The following PDE4D variants were observed in gnomAD, a reference collection of about 807,000 sequenced individuals.
PDE4D encodes phosphodiesterase 4D, also known as 3',5'-cyclic-AMP phosphodiesterase 4D.
In PDE4D, 24 loss-of-function variants were observed where a neutral mutation model predicts 87.4. The observed-to-expected ratio is 0.27, with a 90% confidence interval of 0.20 to 0.39. The LOEUF (loss-of-function observed/expected upper bound fraction) is 0.39. Ranked by LOEUF, PDE4D falls within the 10% of genes least tolerant of loss-of-function variation. The pLI is 1.00. For synonymous variants in PDE4D, 384 were observed against 383.2 expected (o/e 1.00, Z -0.02); for missense variants, 714 against 1,041.0 (o/e 0.69, Z 4.32).
In PDE4D at chr5:59,828,783, C is replaced by A. The variant is rs923027935; in HGVS notation, c.455+64385G>T. Among the ~76,000 whole-genome samples the A allele has an allele frequency of 7.9e-5, 12 of 152,184 alleles. No individual in the cohort carries two copies. The East Asian group carries it at 2.3e-3, about 29-fold the overall frequency. On this transcript the variant is annotated intron_variant, in intron 1 of 14. Coordinates refer to ENST00000340635, the MANE Select transcript of PDE4D (RefSeq NM_001104631.2). ...TGGAAACAAAACAGTATGAACACTG[C>A]ATCTCATGAGCCCTAGTAGATAAAG...
intron 4 of PDE4D, among the ~76,000 whole-genome samples, chr5:59,182,432 A>AT (rs879320552): frequency 7.4e-4 from 107 of 143,742 alleles, no homozygotes; most frequent in East Asian, 1.6e-3. Flanking sequence ...TGGCTAATTA[A>AT]TTTTTTTTTT....
intron 3 of PDE4D, among the ~76,000 whole-genome samples, chr5:59,961,976 T>C (rs1759520696): frequency 6.6e-6 from 1 of 152,188 alleles, no homozygotes; most frequent in Non-Finnish European, 1.5e-5. Context: ...AGAAAGATGT[T>C]TTGAATGTTT....
At chr5:60,481,826 G>C (rs1036625056) in intron 1 of PDE4D, among the ~76,000 whole-genome samples, 3 of 152,098 alleles carry the variant, frequency 2.0e-5, no homozygotes, top group Admixed American at 1.3e-4. Context: ...TATTTTAATA[G>C]CCTTGGAAAT....
chr5:60,198,783 T>C (rs564870098), intron 1 of PDE4D, among the ~76,000 whole-genome samples: 8 of 151,738 alleles, frequency 5.3e-5, no homozygotes, highest in Admixed American at 2.0e-4. Context: ...CCTGGTGGCA[T>C]AGTGAGAAGC....
At chr5:60,515,039 C>G (rs1032379521) in intron 1 of PDE4D, among the ~76,000 whole-genome samples, 1 of 151,974 alleles carries the variant, frequency 6.6e-6, no homozygotes, top group Non-Finnish European at 1.5e-5. Flanking sequence ...GTAAAAATTA[C>G]AAAACAATAA....
At chr5:59,219,427 T>G (rs149108) in intron 1 of PDE4D, among the ~76,000 whole-genome samples, 18,035 of 152,116 alleles carry the variant, frequency 0.12, 1,219 homozygotes, top group Non-Finnish European at 0.14. Context: ...TTAAATCCTC[T>G]TATAATCAAA....
At chr5:59,424,730 C>A (rs543571955) in intron 1 of PDE4D, among the ~76,000 whole-genome samples, 40 of 152,158 alleles carry the variant, frequency 2.6e-4, no homozygotes, top group African/African-American at 8.9e-4. Flanking sequence ...ATTAAGGGAA[C>A]TATAATTAAA....
chr5:59,672,952 T>C (rs1188170791), intron 1 of PDE4D, among the ~76,000 whole-genome samples: 2 of 152,214 alleles, frequency 1.3e-5, no homozygotes, highest in African/African-American at 2.4e-5. Context: ...ATGAAACAGC[T>C]ACATCCATGT....
chr5:60,266,154 C>T (rs60399456), intron 1 of PDE4D, among the ~76,000 whole-genome samples: 56,484 of 151,656 alleles, frequency 0.37, 11,010 homozygotes, highest in Admixed American at 0.45. Context: ...AAACAGGCAG[C>T]CAAATTTCTA....
chr5:59,019,817 C>T (rs1754738944), intron 6 of PDE4D, among the ~76,000 whole-genome samples: 1 of 152,178 alleles, frequency 6.6e-6, no homozygotes, highest in African/African-American at 2.4e-5. Context: ...TAACACACAA[C>T]AGGCTTACAT....
Position 59,524,359 on chromosome 5 carries a change from T to A in PDE4D, c.456-308391A>T, listed in dbSNP as rs1193795190. Among the ~76,000 whole-genome samples the A allele has an allele frequency of 2.0e-5, 3 of 152,174 alleles. No individual in the cohort carries two copies. In the East Asian group the frequency reaches 5.8e-4, roughly 29 times the overall value. On this transcript the variant is annotated intron_variant, in intron 1 of 14. Coordinates refer to ENST00000340635, the MANE Select transcript of PDE4D (RefSeq NM_001104631.2). The stretch of plus-strand genomic sequence containing the variant: ...TGGTCTGAGATGGAGATGAGGAACT[T>A]GTTAGAAACTGGAGTAAAGGTCACT...
At position 58,976,445 on chromosome 5, in the gene PDE4D, T is replaced by C; in HGVS notation, c.1735A>G (p.Met579Val). 6.3e-7 allele frequency: 1 copy of C among 1,585,300 alleles called. No individual in the cohort carries two copies. The highest frequency in any genetic ancestry group is 8.6e-7 in the Non-Finnish European group (1 of 1,164,312). Residue 579 changes from methionine (M) to valine (V), a missense_variant, in exon 13 of 15, where the codon ATG (methionine) becomes GTG (valine). Physicochemically the swap from Met to Val is conservative, Grantham distance 21. Around this residue, in one of 7 missense-constraint regions of PDE4D, gnomAD observed 26 missense variants for 96.9 expected, o/e 0.27. Coordinates refer to ENST00000340635, the MANE Select transcript of PDE4D (RefSeq NM_001104631.2). ...GTCTTCAAATCAGCCAGTAGATTCA[T>C]GTGTTTTGACATATCTGTTGCAAGT... Reference protein sequence around the residue: ...IVLATDMSKHMNLLADLKTMV... With the variant: ...IVLATDMSKHVNLLADLKTMV...
In PDE4D at chr5:59,246,519, T is replaced by C. The variant is rs187939967; in HGVS notation, c.456-30551A>G. ...TCTTATTTAATAATAGCAGTGTCAT[T>C]GCTCTAGTTAAAACCCGCTCTGATC... On this transcript the variant is annotated intron_variant, in intron 1 of 14. Coordinates refer to ENST00000340635, the MANE Select transcript of PDE4D (RefSeq NM_001104631.2). 1.9e-4 allele frequency among the ~76,000 whole-genome samples: 29 copies of C among 152,264 alleles called. 1 individual carries two copies. In the East Asian group the frequency reaches 5.4e-3, roughly 28 times the overall value.
intron 3 of PDE4D, among the ~76,000 whole-genome samples, chr5:59,962,436 A>G (rs1044203996): frequency 3.3e-5 from 5 of 152,156 alleles, no homozygotes; most frequent in Non-Finnish European, 7.4e-5. Context: ...TGGTAAAAGA[A>G]TACAAGTATG....
chr5:60,509,676 A>T (rs961671631), intron 1 of PDE4D, among the ~76,000 whole-genome samples: 1 of 151,996 alleles, frequency 6.6e-6, no homozygotes. Context: ...TTGCATGCCC[A>T]CAGCTTCTGC....
At chr5:59,549,787 G>C (rs1164616359) in intron 1 of PDE4D, among the ~76,000 whole-genome samples, 1 of 151,776 alleles carries the variant, frequency 6.6e-6, no homozygotes, top group Non-Finnish European at 1.5e-5. Flanking sequence ...TAAACATCAG[G>C]ATGTTAAATT....
intron 3 of PDE4D, among the ~76,000 whole-genome samples, chr5:59,189,239 T>TG (rs1743671643): frequency 1.2e-5 from 1 of 81,698 alleles, no homozygotes; most frequent in African/African-American, 5.9e-5. Flanking sequence ...CCCGTTTTTT[T>TG]TTTTGTTTTT....
In PDE4D at chr5:58,998,569, A is replaced by G. The variant is rs114584016; in HGVS notation, c.922-5104T>C. Among the ~76,000 whole-genome samples, 1,267 of 152,298 alleles carry G rather than the reference A, an allele frequency of 8.3e-3. 6 individuals are homozygous for G. Among genetic ancestry groups the G allele is most frequent in the South Asian group, 0.016 (76 of 4,828 alleles). On this transcript the variant is annotated intron_variant, in intron 6 of 14. Transcript: ENST00000340635. ...AATCATGACTACTTGGACAACCAAGACTGAAATAAGTTTTCTAATTTTTTT... is the reference window on the plus strand; with the variant it reads ...AATCATGACTACTTGGACAACCAAGGCTGAAATAAGTTTTCTAATTTTTTT...
At chr5:59,156,263 T>A (rs1294445092) in intron 5 of PDE4D, among the ~76,000 whole-genome samples, 1 of 147,608 alleles carries the variant, frequency 6.8e-6, no homozygotes, top group African/African-American at 2.5e-5. Flanking sequence ...AGGAGAAGAC[T>A]CATTTGCTTA....
Sources: allele counts gnomAD v4.1 joint callset (sites outside exome capture counted in the v4.1 genomes callset), GRCh38; gene constraint gnomAD v4.1.1; regional missense constraint gnomAD v4.1.1; transcripts MANE v1.5; gene names NCBI Gene and HGNC (gene_info 2026-07-23, HGNC 2026-07-21).